Variants in GSK3B observed in about 807,000 individuals in gnomAD.
GSK3B encodes glycogen synthase kinase-3 beta.
A neutral mutation model predicts 56.4 loss-of-function variants in GSK3B; 15 were observed. The ratio of observed to expected loss-of-function variants is 0.27; its 90% CI spans 0.18 to 0.41. The LOEUF is 0.41. Ranked by LOEUF, GSK3B falls within the 10% of genes least tolerant of loss-of-function variation. The pLI is 1.00. For missense variants in GSK3B, 300 were observed against 513.4 expected (o/e 0.58, Z 4.02); for synonymous variants, 181 against 188.9 (o/e 0.96, Z 0.34).
rs1195501503 is a variant in GSK3B, at chr3:119,823,024, A to T, written c.*3764T>A. The T allele has an allele frequency of 3.0e-5, 7 of 229,950 alleles. No individual in the cohort carries two copies. The highest frequency in any genetic ancestry group is 8.6e-6 in the Non-Finnish European group (1 of 116,062). 14.2% of individuals were successfully genotyped at this position (229,950 alleles called of 1,614,324 possible). On this transcript the variant is annotated 3_prime_UTR_variant, in exon 11 of 11. Transcript: ENST00000264235. ...ATACATTGTTAAAACATAAACCAAA[A>T]ATGTGTCTAAAAATTAAGAGGACTT...
At chr3:120,063,451 G>A (rs1355001545) in intron 1 of GSK3B, among the ~76,000 whole-genome samples, 2 of 152,164 alleles carry the variant, frequency 1.3e-5, no homozygotes, top group African/African-American at 2.4e-5. Context: ...TGCTGGCCGG[G>A]TGCAGTGGCT....
chr3:119,988,545 C>G (rs1359055548), intron 2 of GSK3B, among the ~76,000 whole-genome samples: 1 of 152,172 alleles, frequency 6.6e-6, no homozygotes, highest in African/African-American at 2.4e-5. Flanking sequence ...ACCATACTTA[C>G]AAAGGCAAAA....
intron 4 of GSK3B, among the ~76,000 whole-genome samples, chr3:119,917,533 T>C (rs145203157): frequency 1.1e-3 from 175 of 152,194 alleles, no homozygotes; most frequent in African/African-American, 4.1e-3. Context: ...GTTTAATTCA[T>C]TACCACTAAA....
At chr3:119,892,086 A>G (rs2056509171) in intron 7 of GSK3B, among the ~76,000 whole-genome samples, 1 of 152,162 alleles carries the variant, frequency 6.6e-6, no homozygotes, top group Admixed American at 6.6e-5. Context: ...AAACGCTAGT[A>G]TTTCTTCCAC....
chr3:119,878,822 C>G (rs895007914), intron 7 of GSK3B, among the ~76,000 whole-genome samples: 3 of 151,902 alleles, frequency 2.0e-5, no homozygotes, highest in African/African-American at 7.3e-5. Context: ...GTGAGAGAAG[C>G]CAGACCAAAA....
chr3:119,859,458 C>T (rs1024192582), intron 9 of GSK3B, among the ~76,000 whole-genome samples: 6 of 152,064 alleles, frequency 3.9e-5, no homozygotes, highest in Non-Finnish European at 8.8e-5. Context: ...TAATTAATTA[C>T]AATAGATTTT....
chr3:120,046,768 C>T (rs1193001186), intron 1 of GSK3B, among the ~76,000 whole-genome samples: 13 of 152,060 alleles, frequency 8.5e-5, no homozygotes, highest in Admixed American at 6.5e-4. Flanking sequence ...GCCACCATGC[C>T]CAGCTAATTT....
At position 120,094,146 on chromosome 3, in the gene GSK3B, C is replaced by T. The variant is rs1349602755; in HGVS notation, c.-712G>A. On this transcript the variant is annotated 5_prime_UTR_variant, in exon 1 of 11. Transcript: ENST00000264235. The stretch of plus-strand genomic sequence containing the variant: ...GTGGCGGAGGCAGCTCCCTTCAGAC[C>T]CCAGGCAGCGGCTCCTCGACTGTTC... The T allele has an allele frequency of 3.3e-4, 75 of 230,628 alleles. No individual in the cohort carries two copies. Among genetic ancestry groups the T allele is most frequent in the Non-Finnish European group, 8.7e-6 (1 of 115,474 alleles). The allele number at this position is 230,628 out of a possible 1,614,324, so 14.3% of individuals were successfully genotyped here.
At chr3:119,967,331 C>T (rs763999320) in intron 2 of GSK3B, among the ~76,000 whole-genome samples, 2 of 152,164 alleles carry the variant, frequency 1.3e-5, no homozygotes, top group Non-Finnish European at 2.9e-5. Flanking sequence ...CCGCCTCGGC[C>T]TCCCAAGGTG....
chr3:119,888,889 T>A (rs2056469621), intron 7 of GSK3B, among the ~76,000 whole-genome samples: 1 of 152,018 alleles, frequency 6.6e-6, no homozygotes, highest in Non-Finnish European at 1.5e-5. Context: ...CGCCCTGGTC[T>A]CCTGCAGTAC....
At chr3:119,859,179 G>A (rs867549065) in intron 9 of GSK3B, among the ~76,000 whole-genome samples, 2 of 68,504 alleles carry the variant, frequency 2.9e-5, no homozygotes, top group African/African-American at 8.6e-5. Flanking sequence ...TTTTATTTGT[G>A]TATATAAAAA....
intron 2 of GSK3B, among the ~76,000 whole-genome samples, chr3:119,988,306 T>C (rs1183124913): frequency 6.6e-6 from 1 of 152,218 alleles, no homozygotes; most frequent in African/African-American, 2.4e-5. Flanking sequence ...TTTTGAGCTA[T>C]TAACAGCTTT....
At chr3:119,831,693 A>G (rs1323340435) in intron 10 of GSK3B, among the ~76,000 whole-genome samples, 1 of 152,022 alleles carries the variant, frequency 6.6e-6, no homozygotes, top group African/African-American at 2.4e-5. Context: ...TGAGTTTATG[A>G]TAAGAAAAAT....
chr3:120,060,526 A>C (rs1372439849), intron 1 of GSK3B, among the ~76,000 whole-genome samples: 1 of 152,142 alleles, frequency 6.6e-6, no homozygotes, highest in Non-Finnish European at 1.5e-5. Context: ...CAGGAGGTCA[A>C]GAACAACTTG....
At chr3:119,942,796 T>C (rs966819953) in intron 3 of GSK3B, among the ~76,000 whole-genome samples, 3 of 152,194 alleles carry the variant, frequency 2.0e-5, no homozygotes, top group Non-Finnish European at 4.4e-5. Flanking sequence ...GACTATTCTG[T>C]AAGATACTTG....
intron 7 of GSK3B, among the ~76,000 whole-genome samples, chr3:119,895,080 T>C (rs905349464): frequency 1.3e-5 from 2 of 152,130 alleles, no homozygotes; most frequent in South Asian, 2.1e-4. Flanking sequence ...TTGACCAACA[T>C]TTCCCATCCT....
At chr3:119,975,623 G>A (rs922857177) in intron 2 of GSK3B, among the ~76,000 whole-genome samples, 15 of 152,154 alleles carry the variant, frequency 9.9e-5, no homozygotes, top group African/African-American at 3.6e-4. Flanking sequence ...AGGGAAAAAT[G>A]AGTAGGTGTT....
At chr3:119,923,999 C>G (rs1274107587) in intron 3 of GSK3B, among the ~76,000 whole-genome samples, 1 of 152,134 alleles carries the variant, frequency 6.6e-6, no homozygotes, top group Non-Finnish European at 1.5e-5. Context: ...TGTCTCTAAC[C>G]TACACACACA....
chr3:120,038,101 G>C (rs768126190), intron 1 of GSK3B, among the ~76,000 whole-genome samples: 31 of 152,170 alleles, frequency 2.0e-4, no homozygotes, highest in Non-Finnish European at 4.0e-4. Flanking sequence ...CTTGTCCAAT[G>C]TCACAGCAAG....
Sources: gnomAD v4.1 joint callset for allele counts (sites outside exome capture counted in the v4.1 genomes callset) on GRCh38, gnomAD v4.1.1 for gene constraint, MANE v1.5 for transcripts, NCBI Gene and HGNC (gene_info 2026-07-23, HGNC 2026-07-21) for gene names.